Variants in NID2 observed in about 807,000 individuals in gnomAD.
NID2 encodes the protein nidogen 2, also known as nidogen-2.
A neutral mutation model predicts 145.4 loss-of-function variants in NID2; 83 were observed. The ratio of observed to expected loss-of-function variants is 0.57; its 90% CI spans 0.48 to 0.69. The LOEUF (loss-of-function observed/expected upper bound fraction) is 0.69, where lower values mean the gene tolerates loss of function less well. Ranked by LOEUF, NID2 falls within the 30% of genes least tolerant of loss-of-function variation. NID2 has a pLI of 0.00. For missense variants in NID2, 1,807 were observed against 1,765.7 expected (o/e 1.02, Z -0.42); for synonymous variants, 739 against 701.3 (o/e 1.05, Z -0.85).
At position 52,011,436 on chromosome 14, in the gene NID2, C is replaced by A. The variant is rs1366061264; in HGVS notation, c.3550+118G>T. 2.3e-6 allele frequency: 3 copies of A among 1,286,510 alleles called. No homozygotes were observed. The African/African-American group carries it at 4.4e-5, about 19-fold the overall frequency. 79.7% of individuals were successfully genotyped at this position (1,286,510 alleles called of 1,614,324 possible). Reference sequence around the variant, plus strand: ...AGTCTTATACAGCTCAATAAAATGACTTGCCTAGAACTTAACCTCCCCTAA... The same window carrying A: ...AGTCTTATACAGCTCAATAAAATGAATTGCCTAGAACTTAACCTCCCCTAA... On this transcript the variant is annotated intron_variant, in intron 17 of 21. Transcript: ENST00000216286.
At chr14:52,057,964 A>G (rs1179331907) in intron 3 of NID2, among the ~76,000 whole-genome samples, 1 of 152,214 alleles carries the variant, frequency 6.6e-6, no homozygotes, top group Non-Finnish European at 1.5e-5. Context: ...ATCAGAAAGG[A>G]AAAGACCAGT....
At chr14:52,061,672 T>A (rs1893023856) in intron 2 of NID2, among the ~76,000 whole-genome samples, 1 of 152,176 alleles carries the variant, frequency 6.6e-6, no homozygotes, top group South Asian at 2.1e-4. Flanking sequence ...GGAGCCTGAA[T>A]CAGCTGCCAA....
At chr14:52,056,838 A>G (rs954732620) in intron 3 of NID2, among the ~76,000 whole-genome samples, 2 of 152,172 alleles carry the variant, frequency 1.3e-5, no homozygotes, top group Admixed American at 6.5e-5. Flanking sequence ...TAAACATCAT[A>G]AATACTTATT....
intron 14 of NID2, among the ~76,000 whole-genome samples, chr14:52,018,594 T>G (rs1891295860): frequency 6.6e-6 from 1 of 152,236 alleles, no homozygotes; most frequent in South Asian, 2.1e-4. Context: ...TAGCAGGTGT[T>G]ATTTTTCTAA....
chr14:52,041,822 T>C (rs188187414), intron 7 of NID2, among the ~76,000 whole-genome samples: 128 of 152,328 alleles, frequency 8.4e-4, no homozygotes, highest in Non-Finnish European at 1.6e-3. Flanking sequence ...ACAAATATGC[T>C]GCAACAAATT....
Position 52,027,247 on chromosome 14 carries a change from G to C in NID2, c.2628C>G (p.Ser876Arg), listed in dbSNP as rs745920060. 6.3e-7 allele frequency: 1 copy of C among 1,587,452 alleles called. No individual in the cohort carries two copies. The highest frequency in any genetic ancestry group is 1.4e-5 in the African/African-American group (1 of 73,046). Residue 876 changes from serine to arginine, a missense_variant, in exon 12 of 22, where the codon AGC (serine) becomes AGG (arginine). Coordinates refer to ENST00000216286, the MANE Select transcript of NID2 (RefSeq NM_007361.4). ...RCVHHGGSTF[S>R]CACLPGYAGD... is the part of the protein sequence containing the mutation. ...CGGCATAACCAGGCAGGCAGGCACA[G>C]CTGAACGTGCTGCCTCCATGGTGAA...
At chr14:52,018,055 G>A (rs558262444) in intron 14 of NID2, among the ~76,000 whole-genome samples, 4 of 152,270 alleles carry the variant, frequency 2.6e-5, no homozygotes, top group Admixed American at 2.6e-4. Flanking sequence ...TTGACCTCGT[G>A]ATCCACCCGC....
At position 52,054,103 on chromosome 14, in the gene NID2, G is replaced by T; in HGVS notation, c.986C>A (p.Pro329Gln). The T allele has an allele frequency of 6.2e-7, 1 of 1,614,148 alleles. No individual in the cohort carries two copies. The highest frequency in any genetic ancestry group is 8.5e-7 in the Non-Finnish European group (1 of 1,180,024). Residue 329 changes from proline to glutamine, a missense_variant, in exon 4 of 22, where the codon CCG becomes CAG. Pro to Gln is a moderately conservative substitution (Grantham distance 76). Transcript: ENST00000216286. ...DVNEEEAEYL[P>Q]GEPEEALNGH... ...ATTCAATGCCTCCTCTGGTTCACCCGGAAGGTATTCAGCTTCCTCCTCATT... is the reference window on the plus strand; with the variant it reads ...ATTCAATGCCTCCTCTGGTTCACCCTGAAGGTATTCAGCTTCCTCCTCATT...
At chr14:52,058,532 G>C (rs1428925950) in intron 3 of NID2, among the ~76,000 whole-genome samples, 1 of 152,130 alleles carries the variant, frequency 6.6e-6, no homozygotes, top group Non-Finnish European at 1.5e-5. Context: ...ATGAGGGAAG[G>C]CATGAAAGGG....
rs1467139441 is a variant in NID2 at position 52,005,304 on chromosome 14, G to GTAGT, written c.*178_*181dup. Reference sequence around the variant, plus strand: ...AACAACCTTCATTTTTAAAAATACAGTAGTAAAGATTGAGGTATCAGCTTT... The same window carrying GTAGT: ...AACAACCTTCATTTTTAAAAATACAGTAGTTAGTAAAGATTGAGGTATCAGCTTT... On this transcript the variant is annotated 3_prime_UTR_variant, in exon 22 of 22. Transcript: ENST00000216286. The GTAGT allele has an allele frequency of 2.2e-6, 1 of 446,976 alleles. No homozygotes were observed. Among genetic ancestry groups the GTAGT allele is most frequent in the Non-Finnish European group, 3.9e-6 (1 of 258,734 alleles). The allele number at this position is 446,976 out of a possible 1,614,324, so 27.7% of individuals were successfully genotyped here. A position where few individuals can be genotyped will look rare whatever the true frequency, so the allele number is the denominator to read the frequency against.
chr14:52,018,113 G>A (rs984331753), intron 14 of NID2, among the ~76,000 whole-genome samples: 5 of 152,132 alleles, frequency 3.3e-5, no homozygotes, highest in Non-Finnish European at 7.3e-5. Flanking sequence ...CACCATACCC[G>A]GGCAACAGTT....
At chr14:52,011,164 C>T in intron 17 of NID2, 117 bp from the exon 18 acceptor site, 1 of 879,818 alleles carries the variant, frequency 1.1e-6, no homozygotes, top group Non-Finnish European at 1.7e-6. Flanking sequence ...GCCCAAGTGT[C>T]TCCAAGTCCC....
intron 18 of NID2, 109 bp downstream of exon 18, chr14:52,010,767 A>C: frequency 1.8e-6 from 2 of 1,091,522 alleles, no homozygotes; most frequent in South Asian, 3.0e-5. Context: ...ACATGAATGC[A>C]TTTGAGCTTT....
intron 5 of NID2, among the ~76,000 whole-genome samples, chr14:52,044,610 CTTTT>C (rs34090732): frequency 6.6e-6 from 1 of 151,418 alleles, no homozygotes; most frequent in African/African-American, 2.4e-5. Context: ...GTAGCAGGGA[CTTTT>C]TTTTGTTGCT....
intron 3 of NID2, 50 bp downstream of exon 3, chr14:52,060,074 A>G: frequency 7.3e-7 from 1 of 1,368,876 alleles, no homozygotes; most frequent in Non-Finnish European, 1.0e-6. Flanking sequence ...GGTACTTCCT[A>G]AAAGTCCTTA....
At chr14:52,038,126 T>C (rs1892139658) in intron 9 of NID2, among the ~76,000 whole-genome samples, 2 of 152,218 alleles carry the variant, frequency 1.3e-5, no homozygotes, top group South Asian at 4.1e-4. Context: ...GAAATTCTAG[T>C]ACTGAATTGA....
intron 6 of NID2, 38 bp from the exon 7 acceptor site, chr14:52,042,388 C>G: frequency 6.4e-7 from 1 of 1,574,752 alleles, no homozygotes. Flanking sequence ...TGGACGTCAT[C>G]CTGGCTAGAG....
At chr14:52,062,688 T>G (rs1351987170) in intron 2 of NID2, among the ~76,000 whole-genome samples, 2 of 151,546 alleles carry the variant, frequency 1.3e-5, no homozygotes, top group Non-Finnish European at 2.9e-5. Flanking sequence ...TTCCATAAGA[T>G]AAGGAGGTTG....
rs779945428 is a variant in NID2, at chr14:52,005,739, G to C, written c.4115C>G (p.Thr1372Arg). The C allele has an allele frequency of 5.0e-6, 8 of 1,610,194 alleles. No individual in the cohort carries two copies. The highest frequency in any genetic ancestry group is 6.8e-6 in the Non-Finnish European group (8 of 1,176,418). Residue 1372 changes from threonine (T) to arginine (R), a missense_variant and splice_region_variant, in exon 21 of 22, where the codon ACA (threonine) becomes AGA (arginine). Coordinates refer to ENST00000216286, the MANE Select transcript of NID2 (RefSeq NM_007361.4). ...GITAVYPYCPTGRK is the reference protein window; with the variant it reads ...GITAVYPYCPRGRK Reference sequence around the variant, plus strand: ...GCATCCTAAAGCATACTTTTTACCTGTTGGGCAGTAGGGGTAGACTGCAGT... The same window carrying C: ...GCATCCTAAAGCATACTTTTTACCTCTTGGGCAGTAGGGGTAGACTGCAGT...
Sources: gnomAD v4.1 joint callset for allele counts (sites outside exome capture counted in the v4.1 genomes callset) on GRCh38, gnomAD v4.1.1 for gene constraint, MANE v1.5 for transcripts, NCBI Gene and HGNC (gene_info 2026-07-23, HGNC 2026-07-21) for gene names.